The following FLYWCH1 variants were observed in gnomAD, a reference collection of about 807,000 sequenced individuals.
The protein encoded by FLYWCH1 is FLYWCH-type zinc finger-containing protein 1.
A neutral mutation model predicts 66.4 loss-of-function variants in FLYWCH1; 75 were observed. That is an observed-to-expected ratio of 1.13 (90% CI 0.94 to 1.37). The LOEUF (loss-of-function observed/expected upper bound fraction) is 1.37. Among genes scored for constraint, FLYWCH1 ranks in the 40% most tolerant of loss-of-function variants. FLYWCH1 has a pLI of 0.00. For synonymous variants in FLYWCH1, 595 were observed against 429.9 expected (o/e 1.38, Z -4.75); for missense variants, 1,334 against 1,001.8 (o/e 1.33, Z -4.48).
chr16:2,938,617 T>G (rs113073974), intron 8 of FLYWCH1, among the ~76,000 whole-genome samples, 161 bp downstream of exon 8: 212 of 97,802 alleles, frequency 2.2e-3, no homozygotes, highest in South Asian at 5.5e-3. Context: ...GTTTTTTTTT[T>G]TTTTTTTTTT....
intron 9 of FLYWCH1, among the ~76,000 whole-genome samples, chr16:2,942,923 A>G (rs1317681118): frequency 6.6e-6 from 1 of 151,144 alleles, no homozygotes; most frequent in Non-Finnish European, 1.5e-5. Flanking sequence ...GCTGGTCACG[A>G]ACTCCCGACC....
chr16:2,943,351 A>G (rs2071350139), intron 9 of FLYWCH1: 1 of 151,854 alleles, frequency 6.6e-6, no homozygotes, highest in African/African-American at 2.4e-5. Flanking sequence ...CCCTCACCCC[A>G]AATGCATCTT....
rs2071600801 is a variant in FLYWCH1, at chr16:2,949,095, GC to G, written c.*372del. On this transcript the variant is annotated 3_prime_UTR_variant, in exon 10 of 10. Coordinates refer to ENST00000253928, the MANE Select transcript of FLYWCH1 (RefSeq NM_001308068.2). ...TTCCTAGGGCTTTCCACCTGGCGAG[GC>G]CCCGCTCTGCTCAGCACGGTGCAAA... The G allele has an allele frequency of 9.1e-6, 3 of 330,898 alleles. No individual in the cohort carries two copies. The highest frequency in any genetic ancestry group is 8.3e-5 in the South Asian group (3 of 36,290). The allele number at this position is 330,898 out of a possible 1,614,324, so 20.5% of individuals were successfully genotyped here. A position where few individuals can be genotyped will look rare whatever the true frequency, so the allele number is the denominator to read the frequency against.
At chr16:2,933,633 C>T in intron 5 of FLYWCH1, 51 bp downstream of exon 5, 4 of 1,561,724 alleles carry the variant, frequency 2.6e-6, no homozygotes, top group South Asian at 1.2e-5. Flanking sequence ...CTCTTGCCTC[C>T]AGAGGTCCAG....
rs1054160577 is a variant in FLYWCH1, at chr16:2,930,970, A to T, written c.796+90A>T. The T allele has an allele frequency of 7.9e-6, 8 of 1,015,176 alleles. No individual in the cohort carries two copies. The Admixed American group carries it at 8.6e-5, about 11-fold the overall frequency. The allele number at this position is 1,015,176 out of a possible 1,614,324, so 62.9% of individuals were successfully genotyped here. On this transcript the variant is annotated intron_variant, in intron 4 of 9. Coordinates refer to ENST00000253928, the MANE Select transcript of FLYWCH1 (RefSeq NM_001308068.2). ...CCCAAATAGAAATGTGGGGTCCCAC[A>T]GGGTCTTTTAAAATGTACTCAAAGC... is the stretch of plus-strand genomic sequence containing the variant.
intron 9 of FLYWCH1, among the ~76,000 whole-genome samples, chr16:2,947,229 CAG>C (rs1596408865): frequency 6.6e-6 from 1 of 152,138 alleles, no homozygotes; most frequent in East Asian, 1.9e-4. Context: ...ACAAAGCACA[CAG>C]AGTGTATGTA....
In FLYWCH1 at chr16:2,933,543, G is replaced by C. The variant is rs377223717; in HGVS notation, c.1210G>C (p.Glu404Gln). 2 of 1,607,778 alleles carry C rather than the reference G, an allele frequency of 1.2e-6. No individual in the cohort carries two copies. Among genetic ancestry groups the C allele is most frequent in the African/African-American group, 1.3e-5 (1 of 74,710 alleles). ...VEDQELPTQP[E>Q]APDEHQDMDA... is the part of the protein sequence containing the mutation. The stretch of plus-strand genomic sequence containing the variant: ...AGACCAGGAGCTGCCAACCCAGCCC[G>C]AGGCCCCAGACGAGCACCAGGACAT... Residue 404 changes from glutamate to glutamine, a missense_variant, in exon 5 of 10, where the codon GAG becomes CAG. Physicochemically the swap from Glu to Gln is conservative, Grantham distance 29 (BLOSUM62 2). Transcript: ENST00000253928.
intron 1 of FLYWCH1, among the ~76,000 whole-genome samples, chr16:2,912,776 G>T (rs955653080): frequency 3.3e-5 from 5 of 152,202 alleles, no homozygotes; most frequent in Non-Finnish European, 7.3e-5. Flanking sequence ...TGCACATAAC[G>T]GGTCTGACGT....
At chr16:2,920,134 A>G (rs2070318508) in intron 2 of FLYWCH1, among the ~76,000 whole-genome samples, 1 of 152,144 alleles carries the variant, frequency 6.6e-6, no homozygotes, top group Admixed American at 6.6e-5. Flanking sequence ...AATAGTTTCT[A>G]TATATTTTTA....
intron 8 of FLYWCH1, among the ~76,000 whole-genome samples, chr16:2,938,965 T>G (rs561367202): frequency 4.1e-4 from 62 of 151,654 alleles, no homozygotes; most frequent in Middle Eastern, 3.4e-3. Flanking sequence ...TGGAGTGCAA[T>G]GGAGCCATCT....
intron 1 of FLYWCH1, among the ~76,000 whole-genome samples, chr16:2,912,521 C>T (rs1323408627): frequency 6.6e-6 from 1 of 152,230 alleles, no homozygotes; most frequent in Non-Finnish European, 1.5e-5. Context: ...TCGGGACGCA[C>T]CCCGCTCCCG....
chr16:2,917,944 C>T (rs568492643), intron 2 of FLYWCH1, among the ~76,000 whole-genome samples: 1 of 151,594 alleles, frequency 6.6e-6, no homozygotes, highest in African/African-American at 2.4e-5. Flanking sequence ...TCAAGCAATT[C>T]TCCCTGCCTC....
chr16:2,921,460 G>A (rs1157850966), intron 2 of FLYWCH1, among the ~76,000 whole-genome samples: 1 of 152,098 alleles, frequency 6.6e-6, no homozygotes, highest in East Asian at 1.9e-4. Flanking sequence ...TGCTTGGGAG[G>A]CTGAGGTGGG....
At chr16:2,943,188 C>A (rs1448467609) in intron 9 of FLYWCH1, 1 of 152,076 alleles carries the variant, frequency 6.6e-6, no homozygotes, top group Non-Finnish European at 1.5e-5. Context: ...GAGCAACCCC[C>A]AGTGAAAACC....
intron 9 of FLYWCH1, among the ~76,000 whole-genome samples, chr16:2,948,466 GGT>G (rs1009893217): frequency 6.6e-6 from 1 of 152,094 alleles, no homozygotes; most frequent in Non-Finnish European, 1.5e-5. Context: ...AGGAGGCTGA[GGT>G]GGGAGAATCA....
At chr16:2,927,182 G>T (rs189469903) in intron 2 of FLYWCH1, among the ~76,000 whole-genome samples, 16 of 152,164 alleles carry the variant, frequency 1.1e-4, no homozygotes, top group Non-Finnish European at 8.8e-5. Context: ...CACAGGGCGC[G>T]GCGCTGTGTC....
At chr16:2,945,347 G>A (rs8050536) in intron 9 of FLYWCH1, among the ~76,000 whole-genome samples, 41,039 of 151,704 alleles carry the variant, frequency 0.27, 8,073 homozygotes, top group African/African-American at 0.54. Context: ...TCAGCTGGGC[G>A]TGGTGGCGTG....
intron 2 of FLYWCH1, among the ~76,000 whole-genome samples, chr16:2,916,020 G>T (rs1031099599): frequency 2.6e-5 from 4 of 152,006 alleles, no homozygotes; most frequent in Admixed American, 2.6e-4. Context: ...TGCCTGCCTG[G>T]AAGTCTCCAT....
chr16:2,920,740 C>G (rs1255822698), intron 2 of FLYWCH1, among the ~76,000 whole-genome samples: 1 of 151,222 alleles, frequency 6.6e-6, no homozygotes, highest in Non-Finnish European at 1.5e-5. Flanking sequence ...GGGGTTTCTC[C>G]ATGTTGGTCG....
Sources: allele counts gnomAD v4.1 joint callset (sites outside exome capture counted in the v4.1 genomes callset), GRCh38; gene constraint gnomAD v4.1.1; transcripts MANE v1.5; gene names NCBI Gene and HGNC (gene_info 2026-07-23, HGNC 2026-07-21).